Variants in CCPG1 observed in about 807,000 individuals in gnomAD.
CCPG1 encodes cell cycle progression 1, also known as cell cycle progression protein 1.
A neutral mutation model predicts 81.3 loss-of-function variants in CCPG1; 46 were observed. That is an observed-to-expected ratio of 0.57 (90% CI 0.45 to 0.72). CCPG1 has a LOEUF of 0.72. CCPG1 is among the 30% of genes least tolerant of loss of function. The pLI is 0.00. For synonymous variants in CCPG1, 330 were observed against 305.2 expected, an observed-to-expected ratio of 1.08 and a Z score of -0.85; for missense variants, 902 against 937.6, an observed-to-expected ratio of 0.96 and a Z score of 0.50.
At chr15:55,374,486 C>CA (rs2056519229) in intron 5 of CCPG1, among the ~76,000 whole-genome samples, 1 of 151,766 alleles carries the variant, frequency 6.6e-6, no homozygotes, top group Non-Finnish European at 1.5e-5. Flanking sequence ...CTTAACCCAA[C>CA]AAAACGTACA....
chr15:55,363,077 G>A (rs1177174549), intron 7 of CCPG1, among the ~76,000 whole-genome samples: 1 of 151,590 alleles, frequency 6.6e-6, no homozygotes, highest in East Asian at 1.9e-4. Context: ...GCCAGGCGCA[G>A]TGACTCACGC....
intron 6 of CCPG1, among the ~76,000 whole-genome samples, chr15:55,370,173 T>C (rs1304120082): frequency 6.6e-6 from 1 of 152,218 alleles, no homozygotes; most frequent in Non-Finnish European, 1.5e-5. Context: ...AAACAGGTAT[T>C]GTCTTCATTA....
intron 1 of CCPG1, among the ~76,000 whole-genome samples, chr15:55,405,917 T>G (rs898825212): frequency 1.4e-4 from 22 of 152,204 alleles, no homozygotes; most frequent in African/African-American, 5.3e-4. Flanking sequence ...CAGGCTAGAG[T>G]ACAGTGGCAT....
At chr15:55,380,288 G>GT (rs57160266) in intron 3 of CCPG1, among the ~76,000 whole-genome samples, 6,468 of 142,218 alleles carry the variant, frequency 0.045, 472 homozygotes, top group African/African-American at 0.16. Context: ...ATTTCTTTTT[G>GT]TTTTTTTTTT....
chr15:55,391,012 A>C (rs1475203929), intron 1 of CCPG1, among the ~76,000 whole-genome samples: 1 of 152,246 alleles, frequency 6.6e-6, no homozygotes, highest in African/African-American at 2.4e-5. Flanking sequence ...TTTTCTGTCC[A>C]GTCAGTAGAG....
intron 1 of CCPG1, among the ~76,000 whole-genome samples, chr15:55,400,910 G>A (rs1370123117): frequency 6.6e-6 from 1 of 152,128 alleles, no homozygotes; most frequent in Non-Finnish European, 1.5e-5. Flanking sequence ...GTTCTAGCAT[G>A]CCTCAAACAT....
intron 3 of CCPG1, among the ~76,000 whole-genome samples, chr15:55,385,244 C>A (rs536082160): frequency 2.6e-5 from 4 of 152,312 alleles, no homozygotes; most frequent in Admixed American, 6.5e-5. Flanking sequence ...CGGCTCACTG[C>A]AAACTCCGCC....
In CCPG1 at chr15:55,355,575, T is replaced by A. The variant is rs1023773442; in HGVS notation, c.*645A>T. The A allele has an allele frequency of 5.1e-6, 3 of 592,610 alleles. No individual in the cohort carries two copies. The highest frequency in any genetic ancestry group is 8.7e-6 in the Non-Finnish European group (3 of 345,160). The allele number at this position is 592,610 out of a possible 1,614,324, so 36.7% of individuals were successfully genotyped here. A position where few individuals can be genotyped will look rare whatever the true frequency, so the allele number is the denominator to read the frequency against. On this transcript the variant is annotated 3_prime_UTR_variant, in exon 9 of 9. Coordinates refer to ENST00000442196, the MANE Select transcript of CCPG1 (RefSeq NM_001204450.2). Reference sequence around the variant, plus strand: ...CAAATATCACTACTGAGGAAATGTATAAAATACCACATAGTATAAAATTAC... The same window carrying A: ...CAAATATCACTACTGAGGAAATGTAAAAAATACCACATAGTATAAAATTAC...
Position 55,367,763 on chromosome 15 carries a change from G to C in CCPG1, c.707-2454C>G, listed in dbSNP as rs1256404704. Among the ~76,000 whole-genome samples, 4 of 152,114 alleles carry C rather than the reference G, an allele frequency of 2.6e-5. No homozygotes were observed. The East Asian group carries it at 7.7e-4, about 29-fold the overall frequency. On this transcript the variant is annotated intron_variant, in intron 6 of 8. Transcript: ENST00000442196. ...CCCCAGTAACCCCAACTCCAAAAGTGAAGCAGCTAGCACATTTTCTACAAT... is the reference window on the plus strand; with the variant it reads ...CCCCAGTAACCCCAACTCCAAAAGTCAAGCAGCTAGCACATTTTCTACAAT...
intron 4 of CCPG1, 135 bp from the exon 5 acceptor site, chr15:55,377,285 G>A (rs1454954781): frequency 3.0e-6 from 2 of 658,610 alleles, no homozygotes; most frequent in Middle Eastern, 4.2e-4. Flanking sequence ...TATTAGTAAA[G>A]AATTATGCAA....
rs1316646362 is a variant in CCPG1 at position 55,356,348 on chromosome 15, G to A, written c.2296C>T (p.Gln766Ter). The change falls in exon 9 of 9, where the codon CAG (glutamine) becomes TAG (stop). Residue 766 changes from glutamine (Q) to a stop codon, truncating the protein, a stop_gained. Coordinates refer to ENST00000442196, the MANE Select transcript of CCPG1 (RefSeq NM_001204450.2). LOFTEE classifies it high-confidence loss of function. ...IENSRHRKQE[Q>*]KHLQPQPYKR... The stretch of plus-strand genomic sequence containing the variant: ...TAAGGCTGTGGCTGAAGGTGCTTCT[G>A]CTCTTGTTTTCGATGCCTGGAGTTT... The A allele has an allele frequency of 6.5e-7, 1 of 1,535,312 alleles. No homozygotes were observed. The highest frequency in any genetic ancestry group is 8.7e-7 in the Non-Finnish European group (1 of 1,146,786).
intron 1 of CCPG1, among the ~76,000 whole-genome samples, chr15:55,406,855 T>A (rs1368798666): frequency 6.6e-6 from 1 of 152,180 alleles, no homozygotes; most frequent in Non-Finnish European, 1.5e-5. Context: ...ACCTTTAAAT[T>A]GTATTTGGGC....
At chr15:55,383,844 A>G (rs1198182784) in intron 3 of CCPG1, among the ~76,000 whole-genome samples, 2 of 152,212 alleles carry the variant, frequency 1.3e-5, no homozygotes, top group Non-Finnish European at 2.9e-5. Flanking sequence ...GCTTAAGGGA[A>G]TTTTGTGGCT....
intron 7 of CCPG1, among the ~76,000 whole-genome samples, chr15:55,361,789 C>A (rs963171333): frequency 6.6e-6 from 1 of 152,098 alleles, no homozygotes; most frequent in African/African-American, 2.4e-5. Context: ...TCAGTGTACC[C>A]TTCAAAGGAT....
At chr15:55,401,498 C>T (rs1383761008) in intron 1 of CCPG1, among the ~76,000 whole-genome samples, 3 of 152,110 alleles carry the variant, frequency 2.0e-5, no homozygotes, top group African/African-American at 7.2e-5. Flanking sequence ...GAAACTCCGT[C>T]TCTACTAAAA....
chr15:55,374,323 A>G (rs2056515116), intron 5 of CCPG1: 1 of 742,686 alleles, frequency 1.3e-6, no homozygotes, highest in African/African-American at 1.9e-5. Context: ...AAAAGAATTA[A>G]AAATACTTAA....
chr15:55,380,384 C>A (rs944606413), intron 3 of CCPG1, among the ~76,000 whole-genome samples: 2 of 151,582 alleles, frequency 1.3e-5, no homozygotes, highest in African/African-American at 4.8e-5. Flanking sequence ...CAAGCTCCGC[C>A]TCCCGGGTTC....
chr15:55,358,199 G>T, intron 8 of CCPG1: 2 of 235,422 alleles, frequency 8.5e-6, no homozygotes, highest in South Asian at 1.6e-4. Flanking sequence ...AGAAATAAAA[G>T]TATGCTGAGA....
In CCPG1 at chr15:55,376,974, C is replaced by G. The variant is rs751212726; in HGVS notation, c.429G>C (p.Gln143His). 1 of 1,613,324 alleles carries G rather than the reference C, an allele frequency of 6.2e-7. No homozygotes were observed. ...CAGTTTCTGGCTGACAGAAAGTATA[C>G]TGGCTGCTAGAGGAAGAGCCCATGT... ...DFNMGSSSSS[Q>H]YTFCQPETVF... is the part of the protein sequence containing the mutation. Residue 143 changes from glutamine (Q) to histidine (H), a missense_variant, in exon 5 of 9, where the codon CAG becomes CAC. Physicochemically the swap from Gln to His is conservative, Grantham distance 24. This residue lies in a region of CCPG1 where 746 missense variants were observed against 728.6 expected (regional missense o/e 1.02). Coordinates refer to ENST00000442196, the MANE Select transcript of CCPG1 (RefSeq NM_001204450.2).
Sources: gnomAD v4.1 joint callset for allele counts (sites outside exome capture counted in the v4.1 genomes callset) on GRCh38, gnomAD v4.1.1 for gene constraint, gnomAD v4.1.1 regional missense constraint, MANE v1.5 for transcripts, NCBI Gene and HGNC (gene_info 2026-07-23, HGNC 2026-07-21) for gene names.